Variants in KCNB2 observed in about 807,000 individuals in gnomAD.
KCNB2 encodes delayed rectifier potassium channel protein.
In KCNB2, 15 loss-of-function variants were observed where a neutral mutation model predicts 61.5. That is an observed-to-expected ratio of 0.24 (90% CI 0.16 to 0.38). The LOEUF (loss-of-function observed/expected upper bound fraction) is 0.38, where lower values mean the gene tolerates loss of function less well. Ranked by LOEUF, KCNB2 falls within the 10% of genes least tolerant of loss-of-function variation. The pLI is 1.00. For synonymous variants in KCNB2, 457 were observed against 446.0 expected, an observed-to-expected ratio of 1.02 and a Z score of -0.31; for missense variants, 828 against 1,125.2, an observed-to-expected ratio of 0.74 and a Z score of 3.78.
At chr8:72,665,874 T>A (rs1002451302) in intron 2 of KCNB2, among the ~76,000 whole-genome samples, 1 of 152,180 alleles carries the variant, frequency 6.6e-6, no homozygotes, top group Non-Finnish European at 1.5e-5. Context: ...CACAGTCAAA[T>A]TTTCCCCACC....
chr8:72,781,607 A>C (rs1438788267), intron 2 of KCNB2, among the ~76,000 whole-genome samples: 4 of 152,174 alleles, frequency 2.6e-5, no homozygotes, highest in Non-Finnish European at 5.9e-5. Context: ...TGTTTTGGTT[A>C]CTGTAGCCTT....
intron 2 of KCNB2, among the ~76,000 whole-genome samples, chr8:72,584,893 C>G (rs1226032534): frequency 6.6e-6 from 1 of 152,156 alleles, no homozygotes; most frequent in Admixed American, 6.5e-5. Flanking sequence ...CTTTCTCTCT[C>G]CCCATCTCTC....
intron 2 of KCNB2, among the ~76,000 whole-genome samples, chr8:72,903,955 T>A (rs2129006817): frequency 6.6e-6 from 1 of 152,304 alleles, no homozygotes; most frequent in East Asian, 1.9e-4. Context: ...TGCAGAAATA[T>A]AAACAAATAA....
chr8:72,785,368 G>T (rs1038426935), intron 2 of KCNB2, among the ~76,000 whole-genome samples: 1 of 152,146 alleles, frequency 6.6e-6, no homozygotes, highest in East Asian at 1.9e-4. Context: ...GCCTACGTTT[G>T]TGTTATCCAT....
At chr8:72,884,207 G>A (rs796163347) in intron 2 of KCNB2, among the ~76,000 whole-genome samples, 17 of 152,058 alleles carry the variant, frequency 1.1e-4, no homozygotes, top group African/African-American at 4.1e-4. Flanking sequence ...GTGGACCACG[G>A]GCATTTCTCA....
At chr8:72,795,105 G>C (rs1237066959) in intron 2 of KCNB2, among the ~76,000 whole-genome samples, 1 of 152,188 alleles carries the variant, frequency 6.6e-6, no homozygotes, top group Non-Finnish European at 1.5e-5. Flanking sequence ...TGTGGGATCG[G>C]TACAAGATCA....
chr8:72,778,642 G>A (rs1216998791), intron 2 of KCNB2, among the ~76,000 whole-genome samples: 1 of 141,876 alleles, frequency 7.0e-6, no homozygotes, highest in African/African-American at 2.6e-5. Flanking sequence ...GGCTGAGACA[G>A]GAAGATCACT....
chr8:72,646,122 AG>A (rs1398079567), intron 2 of KCNB2, among the ~76,000 whole-genome samples: 1 of 152,130 alleles, frequency 6.6e-6, no homozygotes, highest in Non-Finnish European at 1.5e-5. Context: ...TGTATATTCA[AG>A]TTTAATAAAT....
intron 2 of KCNB2, among the ~76,000 whole-genome samples, chr8:72,831,168 C>G (rs1483238923): frequency 2.0e-5 from 3 of 152,192 alleles, no homozygotes; most frequent in Non-Finnish European, 4.4e-5. Context: ...CTGCGGGCTA[C>G]CCCAGGATGG....
chr8:72,764,676 T>C (rs10957617), intron 2 of KCNB2, among the ~76,000 whole-genome samples: 17,565 of 152,238 alleles, frequency 0.12, 1,484 homozygotes, highest in East Asian at 0.51. Context: ...CATTTGCCTA[T>C]GTTCTTTCTT....
intron 2 of KCNB2, among the ~76,000 whole-genome samples, chr8:72,899,224 G>A (rs530031850): frequency 6.6e-6 from 1 of 152,152 alleles, no homozygotes; most frequent in South Asian, 2.1e-4. Flanking sequence ...AACAGACGAG[G>A]CATCAAAGGA....
chr8:72,656,382 A>C (rs544802144), intron 2 of KCNB2, among the ~76,000 whole-genome samples: 1 of 152,260 alleles, frequency 6.6e-6, no homozygotes, highest in East Asian at 1.9e-4. Context: ...TCATTCAGAA[A>C]GCCCCAAGGC....
chr8:72,789,328 C>T (rs1316306245), intron 2 of KCNB2, among the ~76,000 whole-genome samples: 1 of 152,138 alleles, frequency 6.6e-6, no homozygotes, highest in Admixed American at 6.5e-5. Flanking sequence ...AATTGAAAAG[C>T]AATAGACCTT....
chr8:72,824,328 A>G (rs934146679), intron 2 of KCNB2, among the ~76,000 whole-genome samples: 2 of 152,060 alleles, frequency 1.3e-5, no homozygotes, highest in African/African-American at 4.8e-5. Flanking sequence ...TCAGCCCAGC[A>G]GGGGTTTGGA....
chr8:72,777,788 TAAGAC>T (rs1338606770), intron 2 of KCNB2, among the ~76,000 whole-genome samples: 2 of 152,204 alleles, frequency 1.3e-5, no homozygotes, highest in African/African-American at 4.8e-5. Context: ...CTACCATTTT[TAAGAC>T]AAGAAACATA....
chr8:72,764,378 A>G (rs1808430947), intron 2 of KCNB2, among the ~76,000 whole-genome samples: 1 of 152,168 alleles, frequency 6.6e-6, no homozygotes. Context: ...AGGGAACTGT[A>G]TTCCAAAGGA....
chr8:72,620,225 A>G (rs1805694649), intron 2 of KCNB2, among the ~76,000 whole-genome samples: 1 of 152,246 alleles, frequency 6.6e-6, no homozygotes, highest in African/African-American at 2.4e-5. Flanking sequence ...CAGTTAAAAT[A>G]TAATGTTGCC....
At chr8:72,562,717 A>T (rs1209604566) in intron 1 of KCNB2, among the ~76,000 whole-genome samples, 1 of 152,224 alleles carries the variant, frequency 6.6e-6, no homozygotes, top group Non-Finnish European at 1.5e-5. Context: ...TAAGCATTGA[A>T]TTATTGCATT....
At chr8:72,912,412 C>CA (rs1806313324) in intron 2 of KCNB2, among the ~76,000 whole-genome samples, 1 of 150,978 alleles carries the variant, frequency 6.6e-6, no homozygotes, top group East Asian at 2.0e-4. Flanking sequence ...AGACAAGTCA[C>CA]AAAAAAGGTG....
Sources: gnomAD v4.1 joint callset for allele counts (sites outside exome capture counted in the v4.1 genomes callset) on GRCh38, gnomAD v4.1.1 for gene constraint, MANE v1.5 for transcripts, NCBI Gene and HGNC (gene_info 2026-07-23, HGNC 2026-07-21) for gene names.